RAD51B: variants seen among roughly 807,000 people sequenced by gnomAD.
The protein encoded by RAD51B is DNA repair protein RAD51 homolog 2.
RAD51B carries 38 observed loss-of-function variants against 42.2 expected under a neutral mutation model. That is an observed-to-expected ratio of 0.90 (90% CI 0.70 to 1.18). The LOEUF (loss-of-function observed/expected upper bound fraction) is 1.18, where lower values mean the gene tolerates loss of function less well. Ranked by LOEUF, RAD51B falls within the 50% of genes most tolerant of loss-of-function variation. RAD51B has a pLI of 0.00. For missense variants in RAD51B, 373 were observed against 400.7 expected (o/e 0.93, Z 0.59); for synonymous variants, 154 against 145.2 (o/e 1.06, Z -0.43).
At chr14:68,393,353 A>G (rs1248429031) in intron 8 of RAD51B, among the ~76,000 whole-genome samples, 4 of 152,136 alleles carry the variant, frequency 2.6e-5, no homozygotes, top group African/African-American at 7.2e-5. Flanking sequence ...ACATTCTTCT[A>G]TGTCGGATTC....
intron 8 of RAD51B, among the ~76,000 whole-genome samples, chr14:68,351,237 T>C (rs1320704649): frequency 3.3e-5 from 5 of 152,116 alleles, no homozygotes; most frequent in Non-Finnish European, 4.4e-5. Context: ...GGGTTTCAAC[T>C]GGTGGGAGAA....
At chr14:68,134,346 C>G (rs1191506217) in intron 7 of RAD51B, among the ~76,000 whole-genome samples, 2 of 151,950 alleles carry the variant, frequency 1.3e-5, no homozygotes, top group Non-Finnish European at 2.9e-5. Flanking sequence ...AACTATTCAC[C>G]CTTTTAAGGA....
chr14:67,899,217 T>A (rs1018723652), intron 7 of RAD51B, among the ~76,000 whole-genome samples: 2 of 151,558 alleles, frequency 1.3e-5, no homozygotes, highest in African/African-American at 4.8e-5. Context: ...TAATTTTTTT[T>A]TTTTTATATT....
chr14:68,454,057 A>G (rs539810051), intron 9 of RAD51B, among the ~76,000 whole-genome samples: 1 of 152,364 alleles, frequency 6.6e-6, no homozygotes, highest in East Asian at 1.9e-4. Flanking sequence ...GAAATTAATA[A>G]TATAATAGGT....
intron 7 of RAD51B, among the ~76,000 whole-genome samples, chr14:67,920,794 G>GA (rs998471519): frequency 1.9e-4 from 29 of 150,742 alleles, no homozygotes; most frequent in African/African-American, 4.9e-4. Flanking sequence ...TAGTCCCCAG[G>GA]AAAAAAAAAT....
chr14:68,510,957 AG>A (rs1423534423), intron 10 of RAD51B, among the ~76,000 whole-genome samples: 4 of 152,216 alleles, frequency 2.6e-5, no homozygotes, highest in Non-Finnish European at 5.9e-5. Context: ...TGGAAGGGAC[AG>A]GACAAGCAGC....
chr14:68,228,324 A>G (rs2080081954), intron 7 of RAD51B, among the ~76,000 whole-genome samples: 1 of 152,192 alleles, frequency 6.6e-6, no homozygotes, highest in African/African-American at 2.4e-5. Flanking sequence ...TAGTGAAAAT[A>G]TTTATCAGCT....
intron 5 of RAD51B, among the ~76,000 whole-genome samples, chr14:67,874,411 C>CTTTT (rs2042655908): frequency 7.2e-6 from 1 of 138,932 alleles, no homozygotes; most frequent in East Asian, 1.9e-4. Context: ...AGCGTTATGA[C>CTTTT]TTTTTTTGTG....
chr14:68,603,608 T>C lies in RAD51B; in HGVS notation c.1037-7398T>C, dbSNP rs41519944. Among the ~76,000 whole-genome samples the C allele has an allele frequency of 7.1e-3, 1,083 of 152,328 alleles. 12 individuals are homozygous for C. The highest frequency in any genetic ancestry group is 0.025 in the African/African-American group (1,025 of 41,570). On this transcript the variant is annotated intron_variant, in intron 10 of 10. Transcript: ENST00000487861. ...GAAAATAAGGCAACCCGAGACTTCC[T>C]TGTAAAAGTCTGTGAGGTCATAAAA...
chr14:67,949,594 G>GTA (rs932010913), intron 7 of RAD51B, among the ~76,000 whole-genome samples: 4 of 152,028 alleles, frequency 2.6e-5, no homozygotes, highest in African/African-American at 9.7e-5. Flanking sequence ...GTCAATGTTG[G>GTA]TATTTTGACC....
At chr14:68,354,180 G>T in intron 8 of RAD51B, among the ~76,000 whole-genome samples, 2 of 148,462 alleles carry the variant, frequency 1.3e-5, no homozygotes, top group Admixed American at 6.7e-5. Flanking sequence ...GAACTTTTGT[G>T]TCTTCCAATA....
At chr14:67,962,904 T>C (rs1021507882) in intron 7 of RAD51B, among the ~76,000 whole-genome samples, 2 of 152,120 alleles carry the variant, frequency 1.3e-5, no homozygotes, top group Non-Finnish European at 2.9e-5. Context: ...GAATGAGAGA[T>C]TATTAATCTT....
chr14:68,210,089 A>C (rs562590592), intron 7 of RAD51B, among the ~76,000 whole-genome samples: 1 of 151,426 alleles, frequency 6.6e-6, no homozygotes, highest in East Asian at 2.0e-4. Flanking sequence ...CCTCCTGAGG[A>C]GCTAGGACAA....
intron 7 of RAD51B, among the ~76,000 whole-genome samples, chr14:67,899,257 G>T (rs2043529911): frequency 6.6e-6 from 1 of 151,370 alleles, no homozygotes; most frequent in Non-Finnish European, 1.5e-5. Flanking sequence ...CACCATGTTA[G>T]CCAGGATGGT....
chr14:68,146,946 A>G lies in RAD51B; in HGVS notation c.757-144938A>G, dbSNP rs76567071. On this transcript the variant is annotated intron_variant, in intron 7 of 10. Transcript: ENST00000471583. ...ATTCTGGAGGGATATTGGATAATCA[A>G]ATATGACCAGGAAATAGAAGGTCCT... is the stretch of plus-strand genomic sequence containing the variant. Among the ~76,000 whole-genome samples the G allele has an allele frequency of 5.0e-3, 768 of 152,330 alleles. 5 individuals carry two copies. Among genetic ancestry groups the G allele is most frequent in the African/African-American group, 0.018 (734 of 41,570 alleles).
intron 9 of RAD51B, among the ~76,000 whole-genome samples, chr14:68,446,754 T>G (rs2085430319): frequency 6.6e-6 from 1 of 152,026 alleles, no homozygotes; most frequent in African/African-American, 2.4e-5. Flanking sequence ...AAGGAGGAAT[T>G]GAATAATTGA....
At chr14:67,886,300 G>T (rs554266119) in intron 6 of RAD51B, among the ~76,000 whole-genome samples, 2 of 152,108 alleles carry the variant, frequency 1.3e-5, no homozygotes, top group African/African-American at 2.4e-5. Flanking sequence ...GTTTCTGAGG[G>T]TTAAGTGTCT....
At chr14:67,922,719 T>C (rs1238032675) in intron 7 of RAD51B, among the ~76,000 whole-genome samples, 1 of 146,874 alleles carries the variant, frequency 6.8e-6, no homozygotes, top group African/African-American at 2.6e-5. Context: ...TGAGATAGAG[T>C]CTTGCTCTGT....
At chr14:68,362,515 C>G (rs997011189) in intron 8 of RAD51B, among the ~76,000 whole-genome samples, 1 of 152,142 alleles carries the variant, frequency 6.6e-6, no homozygotes, top group Non-Finnish European at 1.5e-5. Context: ...TCTTTCATAA[C>G]CATCACTGCT....
Sources: gnomAD v4.1 joint callset for allele counts (sites outside exome capture counted in the v4.1 genomes callset) on GRCh38, gnomAD v4.1.1 for gene constraint, MANE v1.5 for transcripts, NCBI Gene and HGNC (gene_info 2026-07-23, HGNC 2026-07-21) for gene names.